The following DACH1 variants were observed in gnomAD, a reference collection of about 807,000 sequenced individuals.
DACH1 encodes the protein dachshund homolog 1.
In DACH1, 12 loss-of-function variants were observed where a neutral mutation model predicts 54.2. That is an observed-to-expected ratio of 0.22 (90% CI 0.14 to 0.36). DACH1 has a LOEUF of 0.36. Among genes scored for constraint, DACH1 ranks in the 10% least tolerant of loss-of-function variants. DACH1 has a pLI of 1.00. For missense variants in DACH1, 805 were observed against 929.8 expected (o/e 0.87, Z 1.75); for synonymous variants, 386 against 366.2 (o/e 1.05, Z -0.62).
chr13:71,774,138 A>T (rs1041232885), intron 1 of DACH1, among the ~76,000 whole-genome samples: 1 of 152,114 alleles, frequency 6.6e-6, no homozygotes, highest in African/African-American at 2.4e-5. Flanking sequence ...TCTGGTGTTC[A>T]TATTAATCAG....
intron 1 of DACH1, among the ~76,000 whole-genome samples, chr13:71,835,278 A>G (rs1348435077): frequency 6.6e-6 from 1 of 152,108 alleles, no homozygotes; most frequent in Non-Finnish European, 1.5e-5. Flanking sequence ...ACTGAGATGT[A>G]TACAAATACA....
At chr13:71,621,521 T>G (rs766889914) in intron 3 of DACH1, among the ~76,000 whole-genome samples, 1 of 152,162 alleles carries the variant, frequency 6.6e-6, no homozygotes, top group Middle Eastern at 3.4e-3. Flanking sequence ...GTGCAGACAT[T>G]AAATAATAAC....
chr13:71,562,408 G>C (rs1884644786), intron 4 of DACH1, among the ~76,000 whole-genome samples: 1 of 151,830 alleles, frequency 6.6e-6, no homozygotes, highest in Non-Finnish European at 1.5e-5. Flanking sequence ...GATGGGAAGA[G>C]GAGAGAGAAA....
Position 71,572,822 on chromosome 13 carries a change from G to T in DACH1, c.1299+18C>A, listed in dbSNP as rs1417561505. On this transcript the variant is annotated intron_variant, in intron 4 of 10. Coordinates refer to ENST00000613252, the MANE Select transcript of DACH1 (RefSeq NM_080759.6). The stretch of plus-strand genomic sequence containing the variant: ...TTAAGATGAACATGCCAAAATAATT[G>T]TATAAAAAAAGAATTACCTTAATAA... 1 of 1,600,974 alleles carries T rather than the reference G, an allele frequency of 6.2e-7. No individual in the cohort carries two copies. The highest frequency in any genetic ancestry group is 8.5e-7 in the Non-Finnish European group (1 of 1,173,080).
chr13:71,702,051 T>A lies in DACH1; in HGVS notation c.849-20141A>T, dbSNP rs181212960. The stretch of plus-strand genomic sequence containing the variant: ...TCCAAAAAAATAAATAAATAAAGTA[T>A]TTAACACATATATAAAATGATGCAA... On this transcript the variant is annotated intron_variant, in intron 1 of 10. Transcript: ENST00000613252. Among the ~76,000 whole-genome samples the A allele has an allele frequency of 4.1e-4, 63 of 152,258 alleles. 1 individual carries two copies. The East Asian group carries it at 8.9e-3, about 21-fold the overall frequency.
rs952064562 is a variant in DACH1 at position 71,541,559 on chromosome 13, G to A, written c.1570+15465C>T. Reference sequence around the variant, plus strand: ...TTTACAAGAAGCACACTGGACTTGCGATTTGTATACATATCTTATTCTATA... The same window carrying A: ...TTTACAAGAAGCACACTGGACTTGCAATTTGTATACATATCTTATTCTATA... On this transcript the variant is annotated intron_variant, in intron 6 of 10. Transcript: ENST00000613252. Among the ~76,000 whole-genome samples, 9 of 152,122 alleles carry A rather than the reference G, an allele frequency of 5.9e-5. No individual in the cohort carries two copies. In the South Asian group the frequency reaches 8.3e-4, roughly 14 times the overall value.
At position 71,859,942 on chromosome 13, in the gene DACH1, A is replaced by C. The variant is rs71431513; in HGVS notation, c.848+5980T>G. ...AAATTTGAGCAAAATGTAGGTTTGCACAGAGCCTCTGCTGTGCCTGAGATG... is the reference window on the plus strand; with the variant it reads ...AAATTTGAGCAAAATGTAGGTTTGCCCAGAGCCTCTGCTGTGCCTGAGATG... On this transcript the variant is annotated intron_variant, in intron 1 of 10. Transcript: ENST00000613252. 6.0e-3 allele frequency among the ~76,000 whole-genome samples: 906 copies of C among 152,022 alleles called. 3 individuals carry two copies. Among genetic ancestry groups the C allele is most frequent in the Non-Finnish European group, 9.4e-3 (637 of 67,788 alleles).
At chr13:71,865,017 G>C (rs114563756) in intron 1 of DACH1, among the ~76,000 whole-genome samples, 1 of 152,112 alleles carries the variant, frequency 6.6e-6, no homozygotes, top group Admixed American at 6.5e-5. Context: ...AAGAGAGATC[G>C]AGAGAGAGCG....
intron 1 of DACH1, among the ~76,000 whole-genome samples, chr13:71,724,189 G>GA (rs1279313423): frequency 6.6e-6 from 1 of 152,056 alleles, no homozygotes; most frequent in Non-Finnish European, 1.5e-5. Flanking sequence ...AAACAAATAT[G>GA]AAAAAACTTC....
chr13:71,669,708 G>T (rs894306061), intron 2 of DACH1, among the ~76,000 whole-genome samples: 2 of 152,128 alleles, frequency 1.3e-5, no homozygotes, highest in African/African-American at 4.8e-5. Flanking sequence ...TATGATGGTG[G>T]TCTTTACATG....
At chr13:71,565,903 T>G (rs536281698) in intron 4 of DACH1, among the ~76,000 whole-genome samples, 1 of 152,300 alleles carries the variant, frequency 6.6e-6, no homozygotes, top group Admixed American at 6.5e-5. Context: ...TAATATAAAT[T>G]TGCTTTAAGC....
chr13:71,544,756 C>T (rs907222486), intron 6 of DACH1, among the ~76,000 whole-genome samples: 1 of 152,068 alleles, frequency 6.6e-6, no homozygotes, highest in African/African-American at 2.4e-5. Flanking sequence ...TAGACCCCAC[C>T]ACATATTCAT....
chr13:71,815,026 A>G (rs1007994477), intron 1 of DACH1, among the ~76,000 whole-genome samples: 11 of 152,206 alleles, frequency 7.2e-5, no homozygotes, highest in Admixed American at 6.5e-5. Context: ...GTAGGTGTCA[A>G]TCAAGAACAA....
chr13:71,595,800 C>T (rs1874054228), intron 3 of DACH1, among the ~76,000 whole-genome samples: 1 of 152,092 alleles, frequency 6.6e-6, no homozygotes, highest in Non-Finnish European at 1.5e-5. Flanking sequence ...AAACCCCATT[C>T]ATTAGGACTC....
chr13:71,716,753 TA>T (rs1882989138), intron 1 of DACH1, among the ~76,000 whole-genome samples: 1 of 152,186 alleles, frequency 6.6e-6, no homozygotes, highest in South Asian at 2.1e-4. Flanking sequence ...AATGGTCTGG[TA>T]ATAAGGATAA....
chr13:71,864,403 GA>G (rs1350447404), intron 1 of DACH1, among the ~76,000 whole-genome samples: 10 of 152,078 alleles, frequency 6.6e-5, no homozygotes, highest in Non-Finnish European at 1.5e-5. Context: ...TTTCTCCATG[GA>G]AAAAAGAGCT....
intron 6 of DACH1, among the ~76,000 whole-genome samples, chr13:71,542,592 T>A (rs1883207803): frequency 6.6e-6 from 1 of 152,168 alleles, no homozygotes. Flanking sequence ...CTCTCTCCTC[T>A]TTGGCTTGTC....
At chr13:71,651,668 C>CTGTATA (rs1184092128) in intron 2 of DACH1, among the ~76,000 whole-genome samples, 123 of 126,086 alleles carry the variant, frequency 9.8e-4, no homozygotes, top group African/African-American at 3.6e-3. Flanking sequence ...GTATCTGTAT[C>CTGTATA]TGTATCTGTA....
intron 1 of DACH1, among the ~76,000 whole-genome samples, chr13:71,777,776 C>T (rs1886124977): frequency 6.6e-6 from 1 of 151,882 alleles, no homozygotes; most frequent in Admixed American, 6.6e-5. Flanking sequence ...GTGTAATATT[C>T]CCACTATTCT....
Sources: gnomAD v4.1 joint callset for allele counts (sites outside exome capture counted in the v4.1 genomes callset) on GRCh38, gnomAD v4.1.1 for gene constraint, MANE v1.5 for transcripts, NCBI Gene and HGNC (gene_info 2026-07-23, HGNC 2026-07-21) for gene names.